The following TMEM178B variants were observed in gnomAD, a reference collection of about 807,000 sequenced individuals.
The protein encoded by TMEM178B is transmembrane protein 178B.
Under a neutral mutation model 31.0 loss-of-function variants are expected in TMEM178B, and 5 were observed. The ratio of observed to expected loss-of-function variants is 0.16; its 90% CI spans 0.08 to 0.34. TMEM178B has a LOEUF of 0.34. Among genes scored for constraint, TMEM178B ranks in the 10% least tolerant of loss-of-function variants. TMEM178B has a pLI of 1.00. For missense variants in TMEM178B, 275 were observed against 400.3 expected (o/e 0.69, Z 2.67); for synonymous variants, 164 against 164.0 (o/e 1.00, Z 0.00).
chr7:141,239,736 C>G (rs1458528892), intron 2 of TMEM178B, among the ~76,000 whole-genome samples: 1 of 152,220 alleles, frequency 6.6e-6, no homozygotes, highest in Admixed American at 6.5e-5. Flanking sequence ...ACAGGACAGC[C>G]TTCCTGATGG....
chr7:141,409,768 A>C (rs1800947471), intron 2 of TMEM178B, among the ~76,000 whole-genome samples: 1 of 150,252 alleles, frequency 6.7e-6, no homozygotes, highest in South Asian at 2.1e-4. Flanking sequence ...TGGCTCATGC[A>C]CTTGATATTC....
At chr7:141,389,011 G>T (rs1487329106) in intron 2 of TMEM178B, among the ~76,000 whole-genome samples, 1 of 152,134 alleles carries the variant, frequency 6.6e-6, no homozygotes, top group Non-Finnish European at 1.5e-5. Context: ...GCTTTTCCTA[G>T]GTTCCAAAGT....
intron 1 of TMEM178B, among the ~76,000 whole-genome samples, chr7:141,108,375 A>G (rs940581279): frequency 2.0e-5 from 3 of 152,198 alleles, no homozygotes; most frequent in Non-Finnish European, 2.9e-5. Flanking sequence ...GCACAAGGAG[A>G]TGGAACCCAG....
At chr7:141,109,246 T>C (rs1017526034) in intron 1 of TMEM178B, among the ~76,000 whole-genome samples, 1 of 151,942 alleles carries the variant, frequency 6.6e-6, no homozygotes, top group African/African-American at 2.4e-5. Flanking sequence ...GGTGATGGAT[T>C]CTAGGCTGAG....
chr7:141,411,616 C>T (rs868561428), intron 2 of TMEM178B, among the ~76,000 whole-genome samples: 1 of 152,112 alleles, frequency 6.6e-6, no homozygotes, highest in Non-Finnish European at 1.5e-5. Flanking sequence ...TTGGGTTGTT[C>T]ACAAAAATCA....
intron 2 of TMEM178B, among the ~76,000 whole-genome samples, chr7:141,396,598 C>T (rs1265671078): frequency 6.6e-6 from 1 of 152,232 alleles, no homozygotes; most frequent in Non-Finnish European, 1.5e-5. Context: ...GGGCTGACCA[C>T]TGCCTTTCTT....
chr7:141,454,910 C>G (rs1424983591), intron 3 of TMEM178B, among the ~76,000 whole-genome samples: 1 of 151,826 alleles, frequency 6.6e-6, no homozygotes, highest in Non-Finnish European at 1.5e-5. Flanking sequence ...CGAATAAACC[C>G]CCGAGAGGAA....
At chr7:141,417,747 G>A (rs193252140) in intron 2 of TMEM178B, among the ~76,000 whole-genome samples, 48 of 152,312 alleles carry the variant, frequency 3.2e-4, no homozygotes, top group Admixed American at 1.1e-3. Context: ...TGTACATTGC[G>A]TGTCTGTTTC....
rs1305693888 is a variant in TMEM178B at position 141,318,282 on chromosome 7, A to G, written c.496+105578A>G. 6.6e-6 allele frequency among the ~76,000 whole-genome samples: 1 copy of G among 152,186 alleles called. No individual in the cohort carries two copies. Among genetic ancestry groups the G allele is most frequent in the Admixed American group, 6.5e-5 (1 of 15,280 alleles). On this transcript the variant is annotated intron_variant, in intron 2 of 3. Coordinates refer to ENST00000565468, the MANE Select transcript of TMEM178B (RefSeq NM_001195278.2). The surrounding 1 kb of genome is among the most constrained non-coding windows in gnomAD (Gnocchi z 4.1). ...GAGCCTGTAAAGATAAAGTATGATGATGGCTGGCCATTCTTTCTTATAACC... is the reference window on the plus strand; with the variant it reads ...GAGCCTGTAAAGATAAAGTATGATGGTGGCTGGCCATTCTTTCTTATAACC...
At chr7:141,323,454 C>A (rs1012082266) in intron 2 of TMEM178B, among the ~76,000 whole-genome samples, 5 of 152,208 alleles carry the variant, frequency 3.3e-5, no homozygotes, top group Admixed American at 2.6e-4. Context: ...GTGTTGTGAT[C>A]TTTCCACATT....
intron 1 of TMEM178B, among the ~76,000 whole-genome samples, chr7:141,090,375 T>C (rs1303887717): frequency 1.3e-5 from 2 of 152,138 alleles, no homozygotes; most frequent in Non-Finnish European, 2.9e-5. Context: ...AGTCTTTTAC[T>C]GGCATATCCA....
At chr7:141,163,905 G>A (rs1193140780) in intron 1 of TMEM178B, among the ~76,000 whole-genome samples, 1 of 152,156 alleles carries the variant, frequency 6.6e-6, no homozygotes, top group African/African-American at 2.4e-5. Flanking sequence ...AACACTGAAT[G>A]ATTTTTTTAG....
chr7:141,343,523 A>AC (rs1300053142), intron 2 of TMEM178B, among the ~76,000 whole-genome samples: 155 of 110,476 alleles, frequency 1.4e-3, no homozygotes, highest in African/African-American at 5.6e-3. Flanking sequence ...TGATGGGAGC[A>AC]CCTTTTTTTT....
chr7:141,135,607 T>G (rs1231711253), intron 1 of TMEM178B, among the ~76,000 whole-genome samples: 1 of 152,066 alleles, frequency 6.6e-6, no homozygotes, highest in Non-Finnish European at 1.5e-5. Flanking sequence ...TGCATGGAAA[T>G]TAAACAACAT....
intron 1 of TMEM178B, among the ~76,000 whole-genome samples, chr7:141,124,712 T>C (rs751746887): frequency 6.6e-6 from 1 of 152,196 alleles, no homozygotes; most frequent in Non-Finnish European, 1.5e-5. Context: ...GCCTAACATA[T>C]GGTATTCTAA....
intron 1 of TMEM178B, among the ~76,000 whole-genome samples, chr7:141,207,972 T>A (rs1796992289): frequency 2.0e-5 from 3 of 152,074 alleles, no homozygotes; most frequent in Admixed American, 1.3e-4. Flanking sequence ...GGCAGATCGC[T>A]TGAGCCTAAG....
At chr7:141,437,114 G>A (rs565369742) in intron 2 of TMEM178B, among the ~76,000 whole-genome samples, 4 of 152,296 alleles carry the variant, frequency 2.6e-5, no homozygotes, top group Admixed American at 2.6e-4. Flanking sequence ...GGCAGGTGCA[G>A]CCTGACTACC....
intron 2 of TMEM178B, among the ~76,000 whole-genome samples, chr7:141,294,924 A>G (rs562133703): frequency 1.3e-5 from 2 of 152,192 alleles, no homozygotes; most frequent in Admixed American, 1.3e-4. Flanking sequence ...AAGAGACATC[A>G]GGCAAACATG....
At chr7:141,488,972 G>A in the TMEM178B span, among the ~76,000 whole-genome samples, 331 of 152,052 alleles carry the variant, frequency 2.2e-3, no homozygotes, top group Middle Eastern at 6.8e-3. Flanking sequence ...GAGGAGGGAG[G>A]AGGAGGAGGA....
Sources: allele counts gnomAD v4.1 joint callset (sites outside exome capture counted in the v4.1 genomes callset), GRCh38; gene constraint gnomAD v4.1.1; non-coding constraint Gnocchi (gnomAD v3.1); transcripts MANE v1.5; gene names NCBI Gene and HGNC (gene_info 2026-07-23, HGNC 2026-07-21).